The following QTMAN variants were observed in gnomAD, a reference collection of about 807,000 sequenced individuals.
QTMAN encodes queuosine-tRNA mannosyltransferase, also known as tRNA-queuosine alpha-mannosyltransferase.
chr2:144,118,922 G>A, the QTMAN span, among the ~76,000 whole-genome samples: 5 of 152,080 alleles, frequency 3.3e-5, no homozygotes, highest in Non-Finnish European at 5.9e-5. Context: ...AATATGGATC[G>A]TGAAAATTCC....
the QTMAN span, among the ~76,000 whole-genome samples, chr2:144,155,479 G>T: frequency 6.6e-6 from 1 of 152,044 alleles, no homozygotes; most frequent in Admixed American, 6.6e-5. Flanking sequence ...TTAATCTATC[G>T]TACAAGACTA....
chr2:144,262,435 T>C, the QTMAN span, among the ~76,000 whole-genome samples: 100 of 151,684 alleles, frequency 6.6e-4, no homozygotes, highest in East Asian at 0.018. Flanking sequence ...CTGGGGGTGA[T>C]GGGTCACACC....
chr2:144,118,845 C>T, the QTMAN span, among the ~76,000 whole-genome samples: 1 of 152,292 alleles, frequency 6.6e-6, no homozygotes, highest in East Asian at 1.9e-4. Context: ...CGCACCACTG[C>T]ACTCCAGCCT....
the QTMAN span, among the ~76,000 whole-genome samples, chr2:144,086,323 T>C: frequency 6.6e-6 from 1 of 152,204 alleles, no homozygotes; most frequent in Non-Finnish European, 1.5e-5. Context: ...TTTAATGTTT[T>C]ATTTTTTGAG....
chr2:144,153,687 T>C, the QTMAN span, among the ~76,000 whole-genome samples: 2 of 152,168 alleles, frequency 1.3e-5, no homozygotes, highest in Non-Finnish European at 2.9e-5. Context: ...AGAGACTCCG[T>C]CTCAAAGAAA....
At chr2:144,082,472 G>A in the QTMAN span, among the ~76,000 whole-genome samples, 1 of 152,082 alleles carries the variant, frequency 6.6e-6, no homozygotes, top group Non-Finnish European at 1.5e-5. Flanking sequence ...GGGGAAGGGG[G>A]TGTATACCAT....
the QTMAN span, among the ~76,000 whole-genome samples, chr2:144,040,566 GT>G: frequency 1.3e-5 from 2 of 152,038 alleles, no homozygotes; most frequent in African/African-American, 4.8e-5. Context: ...GACCCTAAAA[GT>G]TCATGGCCAT....
At chr2:143,957,593 AC>A in the QTMAN span, among the ~76,000 whole-genome samples, 1 of 152,054 alleles carries the variant, frequency 6.6e-6, no homozygotes, top group Non-Finnish European at 1.5e-5. Context: ...GCTTCATAAA[AC>A]TCGCTTAGCA....
chr2:144,069,290 T>G, the QTMAN span, among the ~76,000 whole-genome samples: 3 of 144,638 alleles, frequency 2.1e-5, no homozygotes, highest in African/African-American at 8.0e-5. Flanking sequence ...CTTATGGGAA[T>G]CTTTTACAAA....
the QTMAN span, among the ~76,000 whole-genome samples, chr2:144,229,784 A>G: frequency 6.6e-6 from 1 of 152,196 alleles, no homozygotes; most frequent in Non-Finnish European, 1.5e-5. Context: ...TCTAGCCTAA[A>G]TTGTCACGAA....
At chr2:144,211,714 T>C in the QTMAN span, 1 of 152,252 alleles carries the variant, frequency 6.6e-6, no homozygotes, top group African/African-American at 2.4e-5. Flanking sequence ...AGTTTTGTTT[T>C]AGAAAACTGC....
chr2:144,051,946 T>C, the QTMAN span, among the ~76,000 whole-genome samples: 2 of 152,226 alleles, frequency 1.3e-5, no homozygotes, highest in South Asian at 4.1e-4. Flanking sequence ...TTGCTTTATT[T>C]TTCTTCAGAT....
At chr2:143,972,046 T>C in the QTMAN span, among the ~76,000 whole-genome samples, 1 of 152,162 alleles carries the variant, frequency 6.6e-6, no homozygotes, top group African/African-American at 2.4e-5. Flanking sequence ...TTTGATTTAG[T>C]TCAAATAATA....
the QTMAN span, among the ~76,000 whole-genome samples, chr2:144,192,180 C>T: frequency 6.6e-6 from 1 of 151,912 alleles, no homozygotes; most frequent in African/African-American, 2.4e-5. Context: ...AATCTCAGCT[C>T]ATTGCAACCT....
At chr2:144,332,344 G>T in the QTMAN span, 1 of 149,116 alleles carries the variant, frequency 6.7e-6, no homozygotes, top group Non-Finnish European at 1.5e-5. Flanking sequence ...GCGCAGCGCG[G>T]CCCCGCGAGG....
the QTMAN span, chr2:143,945,467 C>T: frequency 1.8e-4 from 27 of 152,580 alleles, no homozygotes; most frequent in African/African-American, 6.5e-4. Flanking sequence ...TTTAAATTCC[C>T]AGGCCTCATA....
At chr2:144,190,870 C>A in the QTMAN span, among the ~76,000 whole-genome samples, 1 of 152,130 alleles carries the variant, frequency 6.6e-6, no homozygotes, top group Non-Finnish European at 1.5e-5. Flanking sequence ...ACAAAGCAGA[C>A]CATGTAAATT....
the QTMAN span, among the ~76,000 whole-genome samples, chr2:144,136,152 G>A: frequency 7.3e-5 from 11 of 151,564 alleles, no homozygotes; most frequent in East Asian, 1.9e-4. Context: ...ATGGTGAAAC[G>A]CCATCTCTAC....
At chr2:144,116,150 G>A in the QTMAN span, among the ~76,000 whole-genome samples, 1 of 151,932 alleles carries the variant, frequency 6.6e-6, no homozygotes, top group East Asian at 1.9e-4. Flanking sequence ...TATGGTGTCA[G>A]CAATTTCTGC....
Sources: allele counts gnomAD v4.1 joint callset (sites outside exome capture counted in the v4.1 genomes callset), GRCh38; gene constraint gnomAD v4.1.1; transcripts MANE v1.5; gene names NCBI Gene and HGNC (gene_info 2026-07-23, HGNC 2026-07-21).